Variants in IQCM observed in about 807,000 individuals in gnomAD.
The protein encoded by IQCM is IQ domain-containing protein M.
A neutral mutation model predicts 57.6 loss-of-function variants in IQCM; 45 were observed. The observed-to-expected ratio is 0.78, with a 90% confidence interval of 0.62 to 1.00. The LOEUF (loss-of-function observed/expected upper bound fraction) is 1.00, where lower values mean the gene tolerates loss of function less well. Among genes scored for constraint, IQCM ranks in the 50% least tolerant of loss-of-function variants. The pLI, the probability that IQCM is intolerant of heterozygous loss-of-function variation, is 0.00. For missense variants in IQCM, 468 were observed against 511.6 expected (o/e 0.91, Z 0.82); for synonymous variants, 148 against 158.9 (o/e 0.93, Z 0.51).
chr4:149,515,847 G>T (rs370738283), intron 12 of IQCM, among the ~76,000 whole-genome samples: 1 of 152,200 alleles, frequency 6.6e-6, no homozygotes, highest in Non-Finnish European at 1.5e-5. Context: ...AAGGTATGTG[G>T]ATGGACCTCT....
At chr4:149,634,857 T>C (rs912010294) in intron 7 of IQCM, among the ~76,000 whole-genome samples, 2 of 152,228 alleles carry the variant, frequency 1.3e-5, no homozygotes, top group Non-Finnish European at 2.9e-5. Flanking sequence ...AAAATATTTA[T>C]GAATGGATAT....
intron 2 of IQCM, among the ~76,000 whole-genome samples, chr4:149,787,978 GA>G (rs35005830): frequency 3.3e-5 from 5 of 151,998 alleles, no homozygotes; most frequent in African/African-American, 7.3e-5. Flanking sequence ...CACCTCACAG[GA>G]AAAAAACAAA....
intron 12 of IQCM, among the ~76,000 whole-genome samples, chr4:149,489,401 C>T (rs973349810): frequency 2.0e-5 from 3 of 151,976 alleles, no homozygotes; most frequent in East Asian, 3.9e-4. Context: ...AGCTGTTAGG[C>T]TTTTATTTAC....
intron 9 of IQCM, among the ~76,000 whole-genome samples, chr4:149,565,984 A>C (rs1034377421): frequency 6.6e-6 from 1 of 152,176 alleles, no homozygotes; most frequent in African/African-American, 2.4e-5. Flanking sequence ...ATGTCTTATT[A>C]AACAAAGCTG....
At chr4:149,641,283 A>T (rs1267440887) in intron 7 of IQCM, among the ~76,000 whole-genome samples, 1 of 152,178 alleles carries the variant, frequency 6.6e-6, no homozygotes, top group Admixed American at 6.5e-5. Context: ...TCTATTTATT[A>T]ATTCTGATTG....
chr4:149,472,684 A>G (rs1207909083), intron 12 of IQCM, among the ~76,000 whole-genome samples: 1 of 152,222 alleles, frequency 6.6e-6, no homozygotes, highest in African/African-American at 2.4e-5. Context: ...AGCCAAAAGA[A>G]AAAAGCTGAA....
intron 7 of IQCM, among the ~76,000 whole-genome samples, chr4:149,654,533 A>G (rs536723155): frequency 6.6e-6 from 1 of 152,300 alleles, no homozygotes; most frequent in South Asian, 2.1e-4. Context: ...AGGCCTCCCC[A>G]GAAGCAGATG....
At chr4:149,729,674 C>A (rs1196322500) in intron 5 of IQCM, among the ~76,000 whole-genome samples, 1 of 152,098 alleles carries the variant, frequency 6.6e-6, no homozygotes, top group Non-Finnish European at 1.5e-5. Flanking sequence ...AGGGTTTCAC[C>A]ATGCTGGCCA....
chr4:149,604,134 A>C (rs938352289), intron 8 of IQCM, among the ~76,000 whole-genome samples: 3 of 152,204 alleles, frequency 2.0e-5, no homozygotes, highest in African/African-American at 7.2e-5. Context: ...CACAAGGCCT[A>C]TATAGTGGCC....
At chr4:149,709,054 A>G (rs763522105) in intron 5 of IQCM, among the ~76,000 whole-genome samples, 6 of 152,094 alleles carry the variant, frequency 3.9e-5, no homozygotes, top group Non-Finnish European at 7.4e-5. Flanking sequence ...ACTTCCCAGT[A>G]TATCTGATGA....
At chr4:149,398,148 G>A (rs1200441954) in intron 13 of IQCM, among the ~76,000 whole-genome samples, 1 of 151,980 alleles carries the variant, frequency 6.6e-6, no homozygotes, top group Admixed American at 6.6e-5. Flanking sequence ...TATTGAAGGT[G>A]TTGTGTATTC....
intron 13 of IQCM, among the ~76,000 whole-genome samples, chr4:149,395,251 T>G (rs1017966860): frequency 5.3e-5 from 8 of 152,082 alleles, no homozygotes; most frequent in Admixed American, 5.2e-4. Flanking sequence ...TGCCAGCAGT[T>G]AAAAGGCTAA....
intron 2 of IQCM, among the ~76,000 whole-genome samples, chr4:149,767,315 A>G (rs1018925937): frequency 2.0e-5 from 3 of 152,092 alleles, no homozygotes; most frequent in African/African-American, 7.2e-5. Context: ...GCTGGGTGCC[A>G]TCTTGCCTGA....
chr4:149,814,017 T>C (rs1463140882), intron 2 of IQCM, among the ~76,000 whole-genome samples: 1 of 152,062 alleles, frequency 6.6e-6, no homozygotes, highest in East Asian at 1.9e-4. Context: ...AGAAAGTATC[T>C]GAATGATAGG....
chr4:149,550,707 G>T (rs1466092461), intron 11 of IQCM, among the ~76,000 whole-genome samples: 1 of 152,128 alleles, frequency 6.6e-6, no homozygotes, highest in East Asian at 1.9e-4. Flanking sequence ...TGCTTAAAAA[G>T]TGTATAGGTA....
At chr4:149,437,155 A>G (rs146254252) in intron 12 of IQCM, among the ~76,000 whole-genome samples, 2 of 152,216 alleles carry the variant, frequency 1.3e-5, no homozygotes, top group East Asian at 3.9e-4. Flanking sequence ...GTTTTAACCA[A>G]TGGTTCCTGG....
chr4:149,681,991 T>C, intron 7 of IQCM, 127 bp downstream of exon 7: 2 of 403,260 alleles, frequency 5.0e-6, no homozygotes, highest in East Asian at 3.6e-5. Flanking sequence ...TTATCTTTGA[T>C]ACAGTGTTTG....
At chr4:149,565,185 T>G (rs2149942549) in intron 9 of IQCM, among the ~76,000 whole-genome samples, 1 of 152,274 alleles carries the variant, frequency 6.6e-6, no homozygotes, top group East Asian at 1.9e-4. Context: ...GATCTGTACC[T>G]ACACCTCTGA....
chr4:149,689,960 G>T (rs1232070452), intron 5 of IQCM, among the ~76,000 whole-genome samples: 1 of 152,114 alleles, frequency 6.6e-6, no homozygotes, highest in Non-Finnish European at 1.5e-5. Flanking sequence ...TACACTGCTG[G>T]TGGGAATGTA....
Sources: gnomAD v4.1 joint callset for allele counts (sites outside exome capture counted in the v4.1 genomes callset) on GRCh38, gnomAD v4.1.1 for gene constraint, MANE v1.5 for transcripts, NCBI Gene and HGNC (gene_info 2026-07-23, HGNC 2026-07-21) for gene names.